The following IGF2BP2 variants were observed in gnomAD, a reference collection of about 807,000 sequenced individuals.
The protein encoded by IGF2BP2 is insulin-like growth factor 2 mRNA-binding protein 2.
A neutral mutation model predicts 75.8 loss-of-function variants in IGF2BP2; 17 were observed. The ratio of observed to expected loss-of-function variants is 0.22; its 90% CI spans 0.15 to 0.34. The LOEUF is 0.34. Ranked by LOEUF, IGF2BP2 falls within the 10% of genes least tolerant of loss-of-function variation. The pLI, the probability that IGF2BP2 is intolerant of heterozygous loss-of-function variation, is 1.00. For synonymous variants in IGF2BP2, 288 were observed against 295.6 expected (o/e 0.97, Z 0.26); for missense variants, 516 against 772.4 (o/e 0.67, Z 3.93).
At chr3:185,678,627 A>G (rs34629747) in intron 7 of IGF2BP2, among the ~76,000 whole-genome samples, 16,098 of 152,190 alleles carry the variant, frequency 0.11, 1,144 homozygotes, top group Middle Eastern at 0.2. Context: ...GTTGGGTGGA[A>G]TGTTCTTGTA....
chr3:185,665,394 GGAGGAGGAGAAGGAA>G (rs1560250977), intron 10 of IGF2BP2, among the ~76,000 whole-genome samples: 22 of 139,348 alleles, frequency 1.6e-4, no homozygotes, highest in East Asian at 2.2e-4. Context: ...AGGAGAAGGA[GGAGGAGGAGAAGGAA>G]AAGGAGGAGA....
chr3:185,811,466 C>CT (rs1739812470), intron 2 of IGF2BP2, among the ~76,000 whole-genome samples: 1 of 152,146 alleles, frequency 6.6e-6, no homozygotes, highest in African/African-American at 2.4e-5. Context: ...CCACAGCTGT[C>CT]TTTTTTTGAC....
intron 2 of IGF2BP2, among the ~76,000 whole-genome samples, chr3:185,770,105 T>C (rs74795873): frequency 0.012 from 1,884 of 152,274 alleles, 18 homozygotes; most frequent in South Asian, 0.033. Flanking sequence ...CTTCTCTCTA[T>C]GTCCTCAAGG....
At chr3:185,688,502 C>G (rs1577974564) in intron 6 of IGF2BP2, among the ~76,000 whole-genome samples, 1 of 152,286 alleles carries the variant, frequency 6.6e-6, no homozygotes, top group Non-Finnish European at 1.5e-5. Flanking sequence ...GCCACCACAA[C>G]TGGCTGATTT....
intron 2 of IGF2BP2, among the ~76,000 whole-genome samples, chr3:185,754,426 G>A (rs1014185431): frequency 7.2e-5 from 11 of 152,036 alleles, no homozygotes; most frequent in East Asian, 1.9e-4. Context: ...CCCAGTCTCC[G>A]GTATGCCTTT....
intron 2 of IGF2BP2, among the ~76,000 whole-genome samples, chr3:185,780,719 T>C (rs1735102105): frequency 6.6e-6 from 1 of 152,224 alleles, no homozygotes; most frequent in Admixed American, 6.5e-5. Flanking sequence ...ATATGAATTC[T>C]ACCTAAATGA....
In IGF2BP2 at chr3:185,658,427, G is replaced by A; in HGVS notation, c.1201-18C>T. On this transcript the variant is annotated intron_variant, in intron 10 of 15. Transcript: ENST00000382199. ...GAGTGGGTCTGCAGCATGAGAGAAA[G>A]AGTCAGTGGGCGGGTGCTCTCAGGG... is the stretch of plus-strand genomic sequence containing the variant. 6.2e-7 allele frequency: 1 copy of A among 1,610,448 alleles called. No homozygotes were observed. The highest frequency in any genetic ancestry group is 8.5e-7 in the Non-Finnish European group (1 of 1,177,274).
At chr3:185,794,893 ATCTTT>A (rs758090184) in intron 2 of IGF2BP2, among the ~76,000 whole-genome samples, 51 of 151,646 alleles carry the variant, frequency 3.4e-4, no homozygotes, top group Non-Finnish European at 4.7e-4. Flanking sequence ...TACTCCAGTT[ATCTTT>A]TCTTTTCTTT....
chr3:185,691,724 G>T lies in IGF2BP2; in HGVS notation c.404+975C>A, dbSNP rs551627126. ...CAAGTAGCTGGGATTATAAGCATGT[G>T]CCACCACATCCGGCTGTTGTTGTTT... On this transcript the variant is annotated intron_variant, in intron 5 of 15. Coordinates refer to ENST00000382199, the MANE Select transcript of IGF2BP2 (RefSeq NM_006548.6). 2.9e-3 allele frequency among the ~76,000 whole-genome samples: 443 copies of T among 152,150 alleles called. 1 individual carries two copies. The highest frequency in any genetic ancestry group is 6.8e-3 in the Middle Eastern group (2 of 294).
In IGF2BP2 at chr3:185,707,295, C is replaced by CTTTTTTT. The variant is rs1159568857; in HGVS notation, c.240-8955_240-8949dup. 8.8e-4 allele frequency among the ~76,000 whole-genome samples: 35 copies of CTTTTTTT among 39,858 alleles called. 7 individuals carry two copies. Among genetic ancestry groups the CTTTTTTT allele is most frequent in the African/African-American group, 2.1e-3 (19 of 8,906 alleles). The allele number at this position is 39,858 out of a possible 152,430, so 26.1% of individuals were successfully genotyped here. On this transcript the variant is annotated intron_variant, in intron 2 of 15. Coordinates refer to ENST00000382199, the MANE Select transcript of IGF2BP2 (RefSeq NM_006548.6). Reference sequence around the variant, plus strand: ...TTATATTCAGTGTGTAACGAAGGGGCTTTTTTTTTTTTTTTTTTTTTTTTT... The same window carrying CTTTTTTT: ...TTATATTCAGTGTGTAACGAAGGGGCTTTTTTTTTTTTTTTTTTTTTTTTTTTTTTTT...
chr3:185,676,685 C>CTATATA (rs141381897), intron 7 of IGF2BP2, among the ~76,000 whole-genome samples: 42 of 131,650 alleles, frequency 3.2e-4, no homozygotes, highest in African/African-American at 1.1e-3. Flanking sequence ...AAAACAACAA[C>CTATATA]TATATATATA....
intron 2 of IGF2BP2, among the ~76,000 whole-genome samples, chr3:185,715,489 A>T (rs1725459024): frequency 6.6e-6 from 1 of 152,194 alleles, no homozygotes; most frequent in African/African-American, 2.4e-5. Flanking sequence ...TCTTCTCAGA[A>T]GATATTTTCT....
chr3:185,659,553 T>G (rs1302457792), intron 10 of IGF2BP2, among the ~76,000 whole-genome samples: 1 of 151,560 alleles, frequency 6.6e-6, no homozygotes, highest in East Asian at 2.0e-4. Flanking sequence ...TTTTTGTATT[T>G]TTAGTAGAGA....
At chr3:185,685,238 C>T (rs966890220) in intron 7 of IGF2BP2, among the ~76,000 whole-genome samples, 2 of 151,904 alleles carry the variant, frequency 1.3e-5, no homozygotes, top group Non-Finnish European at 2.9e-5. Context: ...ATTCCAGCTG[C>T]TCGGGAGGCT....
intron 10 of IGF2BP2, among the ~76,000 whole-genome samples, chr3:185,666,608 G>A (rs572278461): frequency 4.9e-4 from 75 of 152,048 alleles, no homozygotes; most frequent in African/African-American, 1.5e-3. Flanking sequence ...CAGCCTGGGC[G>A]ACAGAGCAAG....
At chr3:185,782,872 CACCT>C (rs1560462491) in intron 2 of IGF2BP2, among the ~76,000 whole-genome samples, 2 of 152,168 alleles carry the variant, frequency 1.3e-5, no homozygotes, top group African/African-American at 4.8e-5. Context: ...AAGTAACACC[CACCT>C]GAGATGTTCT....
At chr3:185,773,323 C>T (rs1440094769) in intron 2 of IGF2BP2, among the ~76,000 whole-genome samples, 1 of 152,144 alleles carries the variant, frequency 6.6e-6, no homozygotes, top group East Asian at 1.9e-4. Context: ...ACACTATAGA[C>T]TATAGAACTT....
chr3:185,674,966 G>A (rs1398861947), intron 9 of IGF2BP2: 2 of 169,764 alleles, frequency 1.2e-5, no homozygotes, highest in African/African-American at 4.9e-5. Flanking sequence ...TGAGTAGCTG[G>A]GACTATAGAT....
At chr3:185,690,736 G>C (rs1228307960) in intron 5 of IGF2BP2, among the ~76,000 whole-genome samples, 3 of 152,186 alleles carry the variant, frequency 2.0e-5, no homozygotes, top group East Asian at 1.9e-4. Context: ...GTTTAGGAGA[G>C]AGCATTTGTG....
Sources: allele counts gnomAD v4.1 joint callset (sites outside exome capture counted in the v4.1 genomes callset), GRCh38; gene constraint gnomAD v4.1.1; transcripts MANE v1.5; gene names NCBI Gene and HGNC (gene_info 2026-07-23, HGNC 2026-07-21).